Variants in AOX1 observed in about 807,000 individuals in gnomAD.
AOX1 encodes aldehyde oxidase 1.
Under a neutral mutation model 169.5 loss-of-function variants are expected in AOX1, and 153 were observed. The ratio of observed to expected loss-of-function variants is 0.90; its 90% CI spans 0.79 to 1.03. The LOEUF is 1.03. Among genes scored for constraint, AOX1 ranks in the 50% least tolerant of loss-of-function variants. The probability of loss-of-function intolerance (pLI) is 0.00; values close to 1 mark genes in which losing one functional copy is unlikely to be tolerated. For missense variants in AOX1, 1,656 were observed against 1,663.9 expected (o/e 1.00, Z 0.08); for synonymous variants, 562 against 581.9 (o/e 0.97, Z 0.49).
chr2:200,655,763 C>A (rs1426497974), intron 26 of AOX1, among the ~76,000 whole-genome samples: 1 of 152,212 alleles, frequency 6.6e-6, no homozygotes, highest in Admixed American at 6.5e-5. Flanking sequence ...GTTCTCCAAG[C>A]ATGGTCCACG....
At chr2:200,637,148 T>C in intron 22 of AOX1, 104 bp downstream of exon 22, 1 of 1,378,832 alleles carries the variant, frequency 7.3e-7, no homozygotes, top group Non-Finnish European at 9.9e-7. Flanking sequence ...TAATATCACA[T>C]ATACGATACA....
At chr2:200,648,987 C>T (rs2035523450) in intron 25 of AOX1, among the ~76,000 whole-genome samples, 1 of 152,070 alleles carries the variant, frequency 6.6e-6, no homozygotes, top group Non-Finnish European at 1.5e-5. Context: ...GTGTGATGGG[C>T]TTGAAAACTT....
intron 20 of AOX1, among the ~76,000 whole-genome samples, chr2:200,633,777 G>A (rs1020602595): frequency 1.3e-5 from 2 of 152,156 alleles, no homozygotes; most frequent in African/African-American, 4.8e-5. Flanking sequence ...TTGTATCCTA[G>A]ACATTTTAGA....
downstream of AOX1, among the ~76,000 whole-genome samples, chr2:200,681,653 A>G (rs964950290): frequency 1.3e-5 from 2 of 152,234 alleles, no homozygotes; most frequent in Admixed American, 6.5e-5. Context: ...AGAATTATCC[A>G]TTCCTACTTA....
At position 200,627,416 on chromosome 2, in the gene AOX1, G is replaced by A. The variant is rs776616797; in HGVS notation, c.2188G>A (p.Glu730Lys). The A allele has an allele frequency of 4.2e-5, 68 of 1,613,540 alleles. No homozygotes were observed. Among genetic ancestry groups the A allele is most frequent in the East Asian group, 6.7e-5 (3 of 44,894 alleles). Residue 730 changes from glutamate to lysine, a missense_variant, in exon 20 of 35, where the codon GAA becomes AAA. Transcript: ENST00000374700. Reference protein sequence around the residue: ...ERKLEYGNVDEAFKVVDQILE... With the variant: ...ERKLEYGNVDKAFKVVDQILE... ...GAAACTGGAATATGGAAATGTTGAC[G>A]AAGCATTTAAAGTGGTTGATCAAAT...
intron 20 of AOX1, among the ~76,000 whole-genome samples, chr2:200,631,297 C>T (rs1282796367): frequency 6.6e-6 from 1 of 152,132 alleles, no homozygotes; most frequent in Non-Finnish European, 1.5e-5. Context: ...GTATTCTTTC[C>T]TCTACATTAT....
At chr2:200,666,146 G>A (rs1262557750) in intron 31 of AOX1, among the ~76,000 whole-genome samples, 1 of 152,198 alleles carries the variant, frequency 6.6e-6, no homozygotes, top group Non-Finnish European at 1.5e-5. Flanking sequence ...TAGGTTATCA[G>A]TAGCAAGTTG....
intron 7 of AOX1, 72 bp from the exon 8 acceptor site, chr2:200,603,945 C>T (rs1203736360): frequency 1.9e-6 from 2 of 1,051,116 alleles, no homozygotes; most frequent in African/African-American, 1.6e-5. Context: ...GTATCTATAT[C>T]TTTTGACCTT....
intron 29 of AOX1, among the ~76,000 whole-genome samples, chr2:200,660,686 A>G (rs2035802677): frequency 1.3e-5 from 2 of 152,218 alleles, no homozygotes; most frequent in Non-Finnish European, 1.5e-5. Flanking sequence ...AGCTGGGAGC[A>G]TGTGTCACGC....
chr2:200,669,880 G>C, intron 34 of AOX1, 138 bp downstream of exon 34: 1 of 881,768 alleles, frequency 1.1e-6, no homozygotes, highest in South Asian at 1.7e-5. Context: ...GGGGGCATTT[G>C]AGCAGATGTG....
rs952439599 is a variant in AOX1, at chr2:200,595,285, A to G, written c.117A>G (p.Gly39=). The G allele has an allele frequency of 1.9e-6, 3 of 1,612,918 alleles. No individual in the cohort carries two copies. Among genetic ancestry groups the G allele is most frequent in the Non-Finnish European group, 2.5e-6 (3 of 1,179,188 alleles). Residue 39 remains glycine, a synonymous_variant, in exon 3 of 35, where the codon GGA becomes GGG. Transcript: ENST00000374700. ...PYLRKKLRLT[G]TKYGCGGGGC... is the part of the protein sequence containing the mutation. ...TACCTCTTCCAGTTCGACTCACAGGAACTAAGTATGGCTGTGGAGGAGGAG... is the reference window on the plus strand; with the variant it reads ...TACCTCTTCCAGTTCGACTCACAGGGACTAAGTATGGCTGTGGAGGAGGAG...
intron 22 of AOX1, 177 bp from the exon 23 acceptor site, chr2:200,638,038 A>G (rs2035272228): frequency 1.9e-6 from 1 of 533,742 alleles, no homozygotes; most frequent in African/African-American, 1.9e-5. Flanking sequence ...CCCTGACCTA[A>G]CGGGAGGAAA....
intron 28 of AOX1, 30 bp downstream of exon 28, chr2:200,659,323 A>G (rs1292415913): frequency 3.7e-6 from 6 of 1,602,424 alleles, no homozygotes; most frequent in East Asian, 2.2e-5. Context: ...CGTCCAAATC[A>G]TTAACTCCCT....
At chr2:200,613,278 T>C (rs988739800) in intron 14 of AOX1, among the ~76,000 whole-genome samples, 2 of 152,222 alleles carry the variant, frequency 1.3e-5, no homozygotes, top group Non-Finnish European at 2.9e-5. Context: ...GCATGAGCTT[T>C]AAAACTTGAG....
At chr2:200,611,155 G>A (rs1173048928) in intron 12 of AOX1, among the ~76,000 whole-genome samples, 3 of 152,108 alleles carry the variant, frequency 2.0e-5, no homozygotes, top group Non-Finnish European at 2.9e-5. Flanking sequence ...ACGCCCAGTC[G>A]ATGTTTTTAT....
chr2:200,610,627 A>G (rs2034614987), intron 12 of AOX1, among the ~76,000 whole-genome samples: 1 of 152,212 alleles, frequency 6.6e-6, no homozygotes, highest in Non-Finnish European at 1.5e-5. Context: ...TTTATTAAAG[A>G]TAATTTCTTA....
rs1408344596 is a variant in AOX1 at position 200,586,068 on chromosome 2, C to T, written c.-41C>T. ...GGTGCCCGCTACTTCCCAGAACCTCCGCCTCCCGCTCCGGGCCCTCGAACC... is the reference window on the plus strand; with the variant it reads ...GGTGCCCGCTACTTCCCAGAACCTCTGCCTCCCGCTCCGGGCCCTCGAACC... On this transcript the variant is annotated 5_prime_UTR_variant, in exon 1 of 35. Transcript: ENST00000374700. 2.6e-6 allele frequency: 4 copies of T among 1,547,410 alleles called. No homozygotes were observed. Among genetic ancestry groups the T allele is most frequent in the South Asian group, 2.4e-5 (2 of 83,938 alleles).
rs370595819 is a variant in AOX1, at chr2:200,602,324, T to A, written c.477T>A (p.Asp159Glu). The change falls in exon 6 of 35, where the codon GAT becomes GAA. Residue 159 changes from aspartate to glutamate, a missense_variant. Asp to Glu is a conservative substitution (Grantham distance 45). Transcript: ENST00000374700. ...GCACTGGATACAGGCCCATAATTGA[T>A]GCATGCAAGACTTTCTGTAAAGTAA... ...CRCTGYRPII[D>E]ACKTFCKTSG... is the part of the protein sequence containing the mutation. The A allele has an allele frequency of 6.2e-7, 1 of 1,613,854 alleles. No homozygotes were observed.
chr2:200,638,261 T>C lies in AOX1; in HGVS notation c.2527T>C (p.Leu843=), dbSNP rs1205072700. The C allele has an allele frequency of 6.2e-7, 1 of 1,613,638 alleles. No individual in the cohort carries two copies. Among genetic ancestry groups the C allele is most frequent in the Non-Finnish European group, 8.5e-7 (1 of 1,179,728 alleles). ...TGTTCTGGAACGAGGAGAAGACATG[T>C]TAATAACTGGAGGCCGCCATCCTTA... is the stretch of plus-strand genomic sequence containing the variant. ...RCVLERGEDM[L]ITGGRHPYLG... The change falls in exon 23 of 35, where the codon TTA becomes CTA. Residue 843 remains leucine, a synonymous_variant. Coordinates refer to ENST00000374700, the MANE Select transcript of AOX1 (RefSeq NM_001159.4).
Sources: gnomAD v4.1 joint callset for allele counts (sites outside exome capture counted in the v4.1 genomes callset) on GRCh38, gnomAD v4.1.1 for gene constraint, MANE v1.5 for transcripts, NCBI Gene and HGNC (gene_info 2026-07-23, HGNC 2026-07-21) for gene names.